Variants in UGGT2 observed in about 807,000 individuals in gnomAD.
The protein encoded by UGGT2 is UDP-glucose:glycoprotein glucosyltransferase 2.
In UGGT2, 180 loss-of-function variants were observed where a neutral mutation model predicts 192.1. The observed-to-expected ratio is 0.94, with a 90% CI of 0.83 to 1.06. The LOEUF (loss-of-function observed/expected upper bound fraction) is 1.06, where lower values mean the gene tolerates loss of function less well. Among genes scored for constraint, UGGT2 ranks in the 50% least tolerant of loss-of-function variants. UGGT2 has a pLI of 0.00. For synonymous variants in UGGT2, 580 were observed against 591.0 expected (o/e 0.98, Z 0.27); for missense variants, 1,849 against 1,795.7 (o/e 1.03, Z -0.54).
intron 2 of UGGT2, among the ~76,000 whole-genome samples, chr13:96,027,548 A>G (rs2052705595): frequency 6.6e-6 from 1 of 152,162 alleles, no homozygotes; most frequent in Admixed American, 6.5e-5. Flanking sequence ...ATATTCAAAA[A>G]TCACTCTTAT....
intron 29 of UGGT2, among the ~76,000 whole-genome samples, chr13:95,871,725 G>A (rs566723481): frequency 2.0e-5 from 3 of 152,300 alleles, no homozygotes; most frequent in East Asian, 1.9e-4. Context: ...GAAGGAGAGC[G>A]ATTTGGTTTT....
At chr13:95,859,760 ATTTAAT>A (rs2140075567) in intron 32 of UGGT2, 85 bp from the exon 33 acceptor site, 6 of 1,019,604 alleles carry the variant, frequency 5.9e-6, no homozygotes, top group Non-Finnish European at 8.2e-6. Flanking sequence ...GTTTTTTAAA[ATTTAAT>A]TTTAATTTCT....
intron 38 of UGGT2, among the ~76,000 whole-genome samples, chr13:95,802,159 T>C (rs1884090914): frequency 6.6e-6 from 1 of 152,198 alleles, no homozygotes; most frequent in South Asian, 2.1e-4. Context: ...TCACTGTGAA[T>C]ACAGTATTCT....
At chr13:95,951,883 C>T (rs1415882852) in intron 12 of UGGT2, among the ~76,000 whole-genome samples, 2 of 151,928 alleles carry the variant, frequency 1.3e-5, no homozygotes, top group Non-Finnish European at 2.9e-5. Context: ...CATAGTGAAA[C>T]CCCATCTCTA....
At chr13:96,014,500 CCA>C (rs1351736698) in intron 4 of UGGT2, among the ~76,000 whole-genome samples, 3 of 152,186 alleles carry the variant, frequency 2.0e-5, no homozygotes, top group African/African-American at 4.8e-5. Context: ...TGAGAGATTT[CCA>C]CAGTTATTTG....
At chr13:95,876,217 CA>C (rs1891664071) in intron 29 of UGGT2, among the ~76,000 whole-genome samples, 1 of 152,104 alleles carries the variant, frequency 6.6e-6, no homozygotes, top group Admixed American at 6.5e-5. Context: ...AAAACAATTC[CA>C]AATTGAATAT....
chr13:96,014,767 AAG>A (rs2052275283), intron 4 of UGGT2, among the ~76,000 whole-genome samples: 1 of 152,222 alleles, frequency 6.6e-6, no homozygotes, highest in African/African-American at 2.4e-5. Flanking sequence ...AGAGAAGTGA[AAG>A]AGATTCTTGC....
At position 95,877,360 on chromosome 13, in the gene UGGT2, T is replaced by C. The variant is rs202222972; in HGVS notation, c.3392A>G (p.Tyr1131Cys). ...VDTIVMAHHG[Y>C]FQLKANPGAW... The stretch of plus-strand genomic sequence containing the variant: ...ACCTGGGTTTGCTTTTAATTGAAAA[T>C]ACCCCTTTTAAGATGAGAAAAAAAT... Residue 1131 changes from tyrosine (Y) to cysteine (C), a missense_variant, in exon 29 of 39, where the codon TAT becomes TGT. Tyr to Cys is a radical substitution (Grantham distance 194, BLOSUM62 -2). Coordinates refer to ENST00000376747, the MANE Select transcript of UGGT2 (RefSeq NM_020121.4). 1.1e-4 allele frequency: 169 copies of C among 1,603,734 alleles called. No homozygotes were observed. Among genetic ancestry groups the C allele is most frequent in the Admixed American group, 4.1e-4 (24 of 57,940 alleles).
At chr13:96,027,385 T>C (rs1439659596) in intron 2 of UGGT2, among the ~76,000 whole-genome samples, 1 of 152,166 alleles carries the variant, frequency 6.6e-6, no homozygotes, top group Non-Finnish European at 1.5e-5. Flanking sequence ...CAAGATCATC[T>C]CTATTATGAA....
intron 4 of UGGT2, among the ~76,000 whole-genome samples, chr13:96,020,038 C>G (rs2139105301): frequency 6.6e-6 from 1 of 152,254 alleles, no homozygotes; most frequent in East Asian, 1.9e-4. Context: ...TTAGTTCACT[C>G]CCAAAAGAGT....
intron 30 of UGGT2, 93 bp downstream of exon 30, chr13:95,867,246 G>A: frequency 2.7e-6 from 3 of 1,117,776 alleles, no homozygotes; most frequent in Non-Finnish European, 3.8e-6. Flanking sequence ...AAATTGTAAA[G>A]TTAATTGTAA....
chr13:95,989,580 G>A (rs749803619), intron 8 of UGGT2: 15 of 403,366 alleles, frequency 3.7e-5, no homozygotes, highest in African/African-American at 2.5e-4. Context: ...AATGAAACAT[G>A]CAATAGTCTT....
intron 5 of UGGT2, among the ~76,000 whole-genome samples, chr13:96,007,134 T>G (rs1227301833): frequency 6.6e-6 from 1 of 152,160 alleles, no homozygotes; most frequent in Non-Finnish European, 1.5e-5. Context: ...ACAGGATAGT[T>G]CAATATACAC....
At chr13:95,887,107 T>A (rs1004762223) in intron 26 of UGGT2, among the ~76,000 whole-genome samples, 1 of 152,112 alleles carries the variant, frequency 6.6e-6, no homozygotes, top group African/African-American at 2.4e-5. Flanking sequence ...CTATAGTATG[T>A]CAGTTGTAAC....
intron 38 of UGGT2, among the ~76,000 whole-genome samples, chr13:95,811,266 T>A (rs1231309660): frequency 6.6e-6 from 1 of 152,048 alleles, no homozygotes; most frequent in African/African-American, 2.4e-5. Flanking sequence ...CCAAGGAAAA[T>A]GAAAACATAA....
At chr13:96,053,037 C>T in intron 1 of UGGT2, 118 bp downstream of exon 1, 1 of 1,320,930 alleles carries the variant, frequency 7.6e-7, no homozygotes, top group Non-Finnish European at 9.8e-7. Flanking sequence ...AGGGCCAGAG[C>T]GGGGGCGTCT....
intron 38 of UGGT2, among the ~76,000 whole-genome samples, chr13:95,819,370 A>T (rs1055283866): frequency 5.9e-5 from 9 of 152,060 alleles, no homozygotes; most frequent in Non-Finnish European, 1.3e-4. Context: ...ACATTTATTT[A>T]TATACCATTG....
At chr13:95,971,707 C>A (rs2050779267) in intron 11 of UGGT2, among the ~76,000 whole-genome samples, 1 of 152,100 alleles carries the variant, frequency 6.6e-6, no homozygotes, top group Non-Finnish European at 1.5e-5. Flanking sequence ...TCTACTCTTT[C>A]TATGTGTATT....
intron 38 of UGGT2, among the ~76,000 whole-genome samples, chr13:95,826,054 T>C (rs185859587): frequency 4.6e-5 from 7 of 152,196 alleles, no homozygotes; most frequent in South Asian, 2.1e-4. Flanking sequence ...AATATAGTTA[T>C]AGATTATAAT....
Sources: allele counts gnomAD v4.1 joint callset (sites outside exome capture counted in the v4.1 genomes callset), GRCh38; gene constraint gnomAD v4.1.1; transcripts MANE v1.5; gene names NCBI Gene and HGNC (gene_info 2026-07-23, HGNC 2026-07-21).